TRDMT1: variants seen among roughly 807,000 people sequenced by gnomAD.
TRDMT1 encodes the protein tRNA (cytosine(38)-C(5))-methyltransferase.
In TRDMT1, 49 loss-of-function variants were observed where a neutral mutation model predicts 51.2. That is an observed-to-expected ratio of 0.96 (90% CI 0.76 to 1.21). The LOEUF is 1.21. Among genes scored for constraint, TRDMT1 ranks in the 50% most tolerant of loss-of-function variants. TRDMT1 has a pLI of 0.00. For missense variants in TRDMT1, 534 were observed against 462.3 expected (o/e 1.16, Z -1.42); for synonymous variants, 187 against 164.6 (o/e 1.14, Z -1.04).
chr10:17,190,184 G>A (rs536076086), intron 1 of TRDMT1, among the ~76,000 whole-genome samples: 1 of 152,258 alleles, frequency 6.6e-6, no homozygotes, highest in African/African-American at 2.4e-5. Context: ...TTAGACAAGA[G>A]GAGAGCTGGT....
chr10:17,168,681 T>C (rs1171529011), intron 3 of TRDMT1, among the ~76,000 whole-genome samples, 160 bp downstream of exon 3: 1 of 152,212 alleles, frequency 6.6e-6, no homozygotes, highest in Non-Finnish European at 1.5e-5. Context: ...CCGTGACTTG[T>C]TCCTCCTTGC....
At position 17,160,280 on chromosome 10, in the gene TRDMT1, A is replaced by C. The variant is rs1840134092; in HGVS notation, c.459+25T>G. ...AAAGCCTTTAAATTATAATTTATATAAGCATTTATAACTGTGATACCTACA... is the reference window on the plus strand; with the variant it reads ...AAAGCCTTTAAATTATAATTTATATCAGCATTTATAACTGTGATACCTACA... On this transcript the variant is annotated intron_variant, in intron 6 of 10. Coordinates refer to ENST00000377799, the MANE Select transcript of TRDMT1 (RefSeq NM_004412.7). 2.9e-6 allele frequency: 4 copies of C among 1,394,478 alleles called. No individual in the cohort carries two copies. In the African/African-American group the frequency reaches 5.9e-5, roughly 21 times the overall value. 86.4% of individuals were successfully genotyped at this position (1,394,478 alleles called of 1,614,324 possible). A position where few individuals can be genotyped will look rare whatever the true frequency, so the allele number is the denominator to read the frequency against.
rs1012330356 is a variant in TRDMT1, at chr10:17,169,052, T to G, written c.175-135A>C. 5.9e-5 allele frequency: 39 copies of G among 665,170 alleles called. No homozygotes were observed. The African/African-American group carries it at 6.6e-4, about 11-fold the overall frequency. The allele number at this position is 665,170 out of a possible 1,614,324, so 41.2% of individuals were successfully genotyped here. On this transcript the variant is annotated intron_variant, in intron 2 of 10. Coordinates refer to ENST00000377799, the MANE Select transcript of TRDMT1 (RefSeq NM_004412.7). ...AATACAATGCTTGTCAAATCAACTTTGGTTAACTAACTTCTCAAAGCAATA... is the reference window on the plus strand; with the variant it reads ...AATACAATGCTTGTCAAATCAACTTGGGTTAACTAACTTCTCAAAGCAATA...
At chr10:17,163,382 G>A (rs1174239263) in intron 3 of TRDMT1, among the ~76,000 whole-genome samples, 1 of 151,960 alleles carries the variant, frequency 6.6e-6, no homozygotes, top group Non-Finnish European at 1.5e-5. Flanking sequence ...GTGTATAGAG[G>A]GAAATTTATA....
chr10:17,172,793 T>C (rs979041817), intron 2 of TRDMT1, among the ~76,000 whole-genome samples: 15 of 152,198 alleles, frequency 9.9e-5, no homozygotes, highest in Admixed American at 1.3e-4. Context: ...ACAATGTATG[T>C]TGGTGCCTAT....
chr10:17,146,023 C>A lies in TRDMT1; in HGVS notation c.*3017G>T. 1 of 985,460 alleles carries A rather than the reference C, an allele frequency of 1.0e-6. No individual in the cohort carries two copies. The highest frequency in any genetic ancestry group is 1.2e-6 in the Non-Finnish European group (1 of 829,954). The allele number at this position is 985,460 out of a possible 1,614,324, so 61.0% of individuals were successfully genotyped here. A position where few individuals can be genotyped will look rare whatever the true frequency, so the allele number is the denominator to read the frequency against. On this transcript the variant is annotated 3_prime_UTR_variant, in exon 11 of 11. Coordinates refer to ENST00000377799, the MANE Select transcript of TRDMT1 (RefSeq NM_004412.7). ...CTGAGAACTTCCACCCCTACCAATG[C>A]GTTGAATTGCCTGCACTCATCTCTA...
Position 17,149,016 on chromosome 10 carries a change from C to A in TRDMT1, c.*24G>T, listed in dbSNP as rs1001094379. 8.2e-6 allele frequency: 13 copies of A among 1,576,520 alleles called. No individual in the cohort carries two copies. The highest frequency in any genetic ancestry group is 2.2e-4 in the Middle Eastern group (1 of 4,484). ...CTGAAAATGAAGGAATATCATATGACCATCTTTCAGAGTTATTTCAAAATT... is the reference window on the plus strand; with the variant it reads ...CTGAAAATGAAGGAATATCATATGAACATCTTTCAGAGTTATTTCAAAATT... On this transcript the variant is annotated 3_prime_UTR_variant, in exon 11 of 11. Coordinates refer to ENST00000377799, the MANE Select transcript of TRDMT1 (RefSeq NM_004412.7).
chr10:17,151,308 C>A (rs1358179342), intron 10 of TRDMT1: 34 of 985,036 alleles, frequency 3.5e-5, no homozygotes, highest in Non-Finnish European at 4.0e-5. Flanking sequence ...AACAAAGAAA[C>A]ATGGGATGAA....
At chr10:17,157,881 G>T in intron 7 of TRDMT1, 97 bp from the exon 8 acceptor site, 2 of 869,960 alleles carry the variant, frequency 2.3e-6, no homozygotes, top group Non-Finnish European at 1.7e-6. Context: ...AACCTCATTA[G>T]CCTTTATGGG....
At chr10:17,175,186 T>C (rs931666105) in intron 1 of TRDMT1, among the ~76,000 whole-genome samples, 7 of 152,200 alleles carry the variant, frequency 4.6e-5, no homozygotes, top group Non-Finnish European at 1.0e-4. Context: ...AATTAGAGCT[T>C]ACATAAGTTT....
chr10:17,151,541 G>A (rs928657140), intron 10 of TRDMT1: 48 of 985,238 alleles, frequency 4.9e-5, no homozygotes, highest in Admixed American at 6.1e-5. Flanking sequence ...GTTGTGTCAC[G>A]GTGCTGCTCA....
chr10:17,142,990 T>C lies in TRDMT1; in HGVS notation c.*6050A>G, dbSNP rs768891374. The C allele has an allele frequency of 4.1e-4, 406 of 985,292 alleles. No individual in the cohort carries two copies. The highest frequency in any genetic ancestry group is 4.7e-4 in the Non-Finnish European group (393 of 829,902). 61.0% of individuals were successfully genotyped at this position (985,292 alleles called of 1,614,324 possible). A position where few individuals can be genotyped will look rare whatever the true frequency, so the allele number is the denominator to read the frequency against. Reference sequence around the variant, plus strand: ...CAAGACCAGAAGTCAGAATACAGTATTTTAAAAAGTTTTATTTGCGCTACT... The same window carrying C: ...CAAGACCAGAAGTCAGAATACAGTACTTTAAAAAGTTTTATTTGCGCTACT... On this transcript the variant is annotated 3_prime_UTR_variant, in exon 11 of 11. Transcript: ENST00000377799.
chr10:17,148,277 T>C lies in TRDMT1; in HGVS notation c.*763A>G. 1.0e-6 allele frequency: 1 copy of C among 985,458 alleles called. No individual in the cohort carries two copies. The highest frequency in any genetic ancestry group is 1.2e-6 in the Non-Finnish European group (1 of 829,946). The allele number at this position is 985,458 out of a possible 1,614,324, so 61.0% of individuals were successfully genotyped here. ...CTTCCTCCCTGAAATCTTAACGTCA[T>C]GCTACATTCCTCAGCGTGCAAAGGC... On this transcript the variant is annotated 3_prime_UTR_variant, in exon 11 of 11. Transcript: ENST00000377799.
chr10:17,153,494 G>C lies in TRDMT1; in HGVS notation c.1075+13C>G, dbSNP rs374534281. 4 of 1,613,464 alleles carry C rather than the reference G, an allele frequency of 2.5e-6. No individual in the cohort carries two copies. Among genetic ancestry groups the C allele is most frequent in the East Asian group, 2.2e-5 (1 of 44,862 alleles). Reference sequence around the variant, plus strand: ...AATACATGAAAGCTGAATTCTGCACGTATCCCACATACCGAACTCTGGAGG... The same window carrying C: ...AATACATGAAAGCTGAATTCTGCACCTATCCCACATACCGAACTCTGGAGG... On this transcript the variant is annotated intron_variant, in intron 10 of 10. Transcript: ENST00000377799.
At chr10:17,176,365 GT>G (rs1262625463) in intron 1 of TRDMT1, among the ~76,000 whole-genome samples, 3 of 152,138 alleles carry the variant, frequency 2.0e-5, no homozygotes, top group African/African-American at 7.2e-5. Context: ...GTACAGTGAT[GT>G]GCTGAATCTG....
At chr10:17,157,883 CT>C in intron 7 of TRDMT1, 99 bp from the exon 8 acceptor site, 1 of 862,038 alleles carries the variant, frequency 1.2e-6, no homozygotes, top group South Asian at 1.8e-5. Flanking sequence ...CCTCATTAGC[CT>C]TTATGGGGTT....
At chr10:17,200,388 A>G (rs1160001121) in intron 1 of TRDMT1, 1 of 161,496 alleles carries the variant, frequency 6.2e-6, no homozygotes, top group Non-Finnish European at 1.5e-5. Flanking sequence ...AAGTTTTAAA[A>G]TGAGAAATAA....
At chr10:17,178,987 A>C (rs1842950691) in intron 1 of TRDMT1, among the ~76,000 whole-genome samples, 1 of 152,168 alleles carries the variant, frequency 6.6e-6, no homozygotes, top group South Asian at 2.1e-4. Context: ...ACAAAATACC[A>C]AAAGACATAC....
chr10:17,188,176 G>C (rs1051150102), intron 1 of TRDMT1, among the ~76,000 whole-genome samples: 3 of 151,974 alleles, frequency 2.0e-5, no homozygotes, highest in African/African-American at 7.3e-5. Flanking sequence ...CATTTAACAG[G>C]TCTGGCTAGC....
Sources: gnomAD v4.1 joint callset for allele counts (sites outside exome capture counted in the v4.1 genomes callset) on GRCh38, gnomAD v4.1.1 for gene constraint, MANE v1.5 for transcripts, NCBI Gene and HGNC (gene_info 2026-07-23, HGNC 2026-07-21) for gene names.